The following NEXMIF variants were observed in gnomAD, a reference collection of about 807,000 sequenced individuals.
The protein encoded by NEXMIF is neurite extension and migration factor.
Under a neutral mutation model 62.1 loss-of-function variants are expected in NEXMIF, and 8 were observed. That is an observed-to-expected ratio of 0.13 (90% CI 0.08 to 0.23). The LOEUF (loss-of-function observed/expected upper bound fraction) is 0.23, where lower values mean the gene tolerates loss of function less well. Among genes scored for constraint, NEXMIF ranks in the 10% least tolerant of loss-of-function variants. The pLI, the probability that NEXMIF is intolerant of heterozygous loss-of-function variation, is 1.00. For synonymous variants in NEXMIF, 404 were observed against 416.6 expected, an observed-to-expected ratio of 0.97 and a Z score of 0.37; for missense variants, 976 against 1,113.3, an observed-to-expected ratio of 0.88 and a Z score of 1.75.
At chrX:74,859,371 C>A (rs200607532) in intron 1 of NEXMIF, among the ~76,000 whole-genome samples, 39 of 111,441 alleles carry the variant, frequency 3.5e-4, no homozygotes, top group East Asian at 1.4e-3. Context: ...AAAGTGATGA[C>A]AGAAAATAAC....
Position 74,902,857 on chromosome X carries a change from G to T in NEXMIF, c.-48+22026C>A, listed in dbSNP as rs994873911. Among the ~76,000 whole-genome samples the T allele has an allele frequency of 8.0e-5, 9 of 112,027 alleles. No individual in the cohort carries two copies. In the Admixed American group the frequency reaches 8.5e-4, roughly 11 times the overall value. ...AGGCAAGTTCTCTGGAGGTTAGATT[G>T]CAGTAAGTGCCACTTCACATTTCCC... On this transcript the variant is annotated intron_variant, in intron 1 of 3. Coordinates refer to ENST00000055682, the MANE Select transcript of NEXMIF (RefSeq NM_001008537.3).
intron 1 of NEXMIF, among the ~76,000 whole-genome samples, chrX:74,871,058 G>C (rs1236224626): frequency 1.8e-5 from 2 of 111,962 alleles, no homozygotes; most frequent in Non-Finnish European, 3.8e-5. Flanking sequence ...CCAGGATTTG[G>C]ATGCAACCTA....
At chrX:74,796,803 T>C (rs1304893581) in intron 1 of NEXMIF, among the ~76,000 whole-genome samples, 1 of 111,524 alleles carries the variant, frequency 9.0e-6, no homozygotes, top group Non-Finnish European at 1.9e-5. Context: ...AGACATATCG[T>C]CCTAACAGAA....
chrX:74,793,142 C>A (rs2080291744), intron 1 of NEXMIF, among the ~76,000 whole-genome samples: 1 of 111,077 alleles, frequency 9.0e-6, no homozygotes, highest in African/African-American at 3.3e-5. Flanking sequence ...TTTAGTGCTT[C>A]CTTCAGGAGC....
intron 1 of NEXMIF, among the ~76,000 whole-genome samples, chrX:74,759,289 C>T (rs1271295768): frequency 8.9e-6 from 1 of 111,998 alleles, no homozygotes; most frequent in African/African-American, 3.2e-5. Flanking sequence ...GGATATTAGA[C>T]CTTTGTCGAA....
chrX:74,766,125 C>T (rs895161830), intron 1 of NEXMIF, among the ~76,000 whole-genome samples: 2 of 110,122 alleles, frequency 1.8e-5, no homozygotes, highest in African/African-American at 3.3e-5. Flanking sequence ...ATGAAGCCCC[C>T]TTTGTAGGTG....
intron 1 of NEXMIF, among the ~76,000 whole-genome samples, chrX:74,887,973 A>G (rs2080702700): frequency 8.9e-6 from 1 of 112,017 alleles, no homozygotes; most frequent in Non-Finnish European, 1.9e-5. Flanking sequence ...GCTATAAAAA[A>G]GGATGAGTTC....
intron 1 of NEXMIF, among the ~76,000 whole-genome samples, chrX:74,824,437 C>G (rs1178754989): frequency 8.9e-6 from 1 of 111,855 alleles, no homozygotes; most frequent in Non-Finnish European, 1.9e-5. Flanking sequence ...CTGTAAATGA[C>G]AGCAGTTCCT....
intron 1 of NEXMIF, among the ~76,000 whole-genome samples, chrX:74,815,219 T>A (rs1164942933): frequency 1.8e-5 from 2 of 111,949 alleles, no homozygotes; most frequent in Admixed American, 1.9e-4. Flanking sequence ...TTGAAATAAA[T>A]CCTTTCAAGA....
chrX:74,815,435 T>A lies in NEXMIF; in HGVS notation c.-47-69738A>T, dbSNP rs773215010. Reference sequence around the variant, plus strand: ...CTATGTTATTCCCTCATTGTCACATTTGGGTTAAGGCAAGAACTTTCTAGT... The same window carrying A: ...CTATGTTATTCCCTCATTGTCACATATGGGTTAAGGCAAGAACTTTCTAGT... On this transcript the variant is annotated intron_variant, in intron 1 of 3. Transcript: ENST00000055682. Among the ~76,000 whole-genome samples the A allele has an allele frequency of 2.7e-5, 3 of 110,987 alleles. No individual in the cohort carries two copies. In the South Asian group the frequency reaches 1.2e-3, roughly 43 times the overall value.
Position 74,815,635 on chromosome X carries a change from C to CT in NEXMIF, c.-47-69939dup, listed in dbSNP as rs1216144220. ...TATATTTTAACATTTTCTACAACTACTTTTTTTTTTTTTTTTTGAGATGGA... is the reference window on the plus strand; with the variant it reads ...TATATTTTAACATTTTCTACAACTACTTTTTTTTTTTTTTTTTTGAGATGGA... On this transcript the variant is annotated intron_variant, in intron 1 of 3. Transcript: ENST00000055682. Among the ~76,000 whole-genome samples, 305 of 99,555 alleles carry CT rather than the reference C, an allele frequency of 3.1e-3. 1 individual carries two copies. Among genetic ancestry groups the CT allele is most frequent in the East Asian group, 9.7e-3 (31 of 3,201 alleles). The allele number at this position is 99,555 out of a possible 115,157, so 86.5% of individuals were successfully genotyped here.
chrX:74,882,672 T>C (rs1208388275), intron 1 of NEXMIF, among the ~76,000 whole-genome samples: 3 of 112,082 alleles, frequency 2.7e-5, no homozygotes, highest in Non-Finnish European at 5.6e-5. Context: ...GTGGAGCCCA[T>C]CACAGCTCAA....
rs751820272 is a variant in NEXMIF, at chrX:74,887,753, T to A, written c.-48+37130A>T. ...AGTCGGTGTGGTGATTCCTCAGGGATCTAGAACTAGAAACACCATTGACCC... is the reference window on the plus strand; with the variant it reads ...AGTCGGTGTGGTGATTCCTCAGGGAACTAGAACTAGAAACACCATTGACCC... On this transcript the variant is annotated intron_variant, in intron 1 of 3. Coordinates refer to ENST00000055682, the MANE Select transcript of NEXMIF (RefSeq NM_001008537.3). Among the ~76,000 whole-genome samples, 16 of 111,861 alleles carry A rather than the reference T, an allele frequency of 1.4e-4. No individual in the cohort carries two copies. The South Asian group carries it at 5.7e-3, about 40-fold the overall frequency.
At chrX:74,772,852 T>A (rs757751303) in intron 1 of NEXMIF, among the ~76,000 whole-genome samples, 1 of 111,888 alleles carries the variant, frequency 8.9e-6, no homozygotes, top group South Asian at 3.8e-4. Context: ...CTTATTCAAA[T>A]TTTTAAAAAG....
Position 74,910,170 on chromosome X carries a change from C to A in NEXMIF, c.-48+14713G>T, listed in dbSNP as rs955118830. 8.0e-5 allele frequency among the ~76,000 whole-genome samples: 9 copies of A among 112,256 alleles called. No individual in the cohort carries two copies. The Admixed American group carries it at 8.5e-4, about 11-fold the overall frequency. On this transcript the variant is annotated intron_variant, in intron 1 of 3. Coordinates refer to ENST00000055682, the MANE Select transcript of NEXMIF (RefSeq NM_001008537.3). ...ATGGTAGATCCACTGAAAGCTTGCA[C>A]CATGTGCCAGGAAAATCCACACTCA...
intron 1 of NEXMIF, among the ~76,000 whole-genome samples, chrX:74,860,362 G>A (rs906318511): frequency 1.8e-5 from 2 of 111,483 alleles, no homozygotes; most frequent in Non-Finnish European, 3.8e-5. Flanking sequence ...AACAAAAAAC[G>A]AACAAAGAAA....
intron 1 of NEXMIF, among the ~76,000 whole-genome samples, chrX:74,788,491 T>C (rs765499487): frequency 9.0e-6 from 1 of 111,282 alleles, no homozygotes; most frequent in South Asian, 3.8e-4. Context: ...TTAAAGATGA[T>C]GAATATGAGG....
chrX:74,885,509 C>T lies in NEXMIF; in HGVS notation c.-48+39374G>A, dbSNP rs1479345578. 4.5e-5 allele frequency among the ~76,000 whole-genome samples: 5 copies of T among 111,556 alleles called. 1 individual carries two copies. The highest frequency in any genetic ancestry group is 3.8e-4 in the Admixed American group (4 of 10,494). On this transcript the variant is annotated intron_variant, in intron 1 of 3. Transcript: ENST00000055682. ...AAATACAAACTACCATCAGAGAATA[C>T]TATAAACACCTCTACGCAAATAAAC...
At chrX:74,913,629 A>G (rs1334099058) in intron 1 of NEXMIF, among the ~76,000 whole-genome samples, 1 of 99,875 alleles carries the variant, frequency 1.0e-5, no homozygotes, top group African/African-American at 4.1e-5. Flanking sequence ...AAGACTAAAG[A>G]AAAAAAAAAA....
Sources: gnomAD v4.1 joint callset for allele counts (sites outside exome capture counted in the v4.1 genomes callset) on GRCh38, gnomAD v4.1.1 for gene constraint, MANE v1.5 for transcripts, NCBI Gene and HGNC (gene_info 2026-07-23, HGNC 2026-07-21) for gene names.